Variants in HDX observed in about 807,000 individuals in gnomAD.
HDX encodes the protein chromosome X open reading frame 43.
Under a neutral mutation model 45.2 loss-of-function variants are expected in HDX, and 19 were observed. The observed-to-expected ratio is 0.42, with a 90% CI of 0.29 to 0.62. HDX has a LOEUF of 0.62. Among genes scored for constraint, HDX ranks in the 20% least tolerant of loss-of-function variants. The pLI is 0.20. For synonymous variants in HDX, 188 were observed against 172.8 expected (o/e 1.09, Z -0.69); for missense variants, 532 against 493.9 (o/e 1.08, Z -0.73).
In HDX at chrX:84,437,574, C is replaced by A. The variant is rs1351183412; in HGVS notation, c.1305+2958G>T. On this transcript the variant is annotated intron_variant, in intron 5 of 10. Coordinates refer to ENST00000373177, the MANE Select transcript of HDX (RefSeq NM_001177479.2). ...TTTCATCTGCTTGATTTACCTAGTT[C>A]CACTAGAGCTTCCAGTAATCCCTAC... Among the ~76,000 whole-genome samples, 3 of 111,004 alleles carry A rather than the reference C, an allele frequency of 2.7e-5. No individual in the cohort carries two copies. In the Admixed American group the frequency reaches 2.9e-4, roughly 11 times the overall value.
At chrX:84,473,683 A>G (rs752218841) in intron 3 of HDX, among the ~76,000 whole-genome samples, 38 of 110,999 alleles carry the variant, frequency 3.4e-4, no homozygotes, top group African/African-American at 1.2e-3. Flanking sequence ...GCAATAACAC[A>G]TCGGAAATAT....
At position 84,468,569 on chromosome X, in the gene HDX, G is replaced by A; in HGVS notation, c.1154C>T (p.Thr385Ile). ...PRTSLHTASS[T>I]MYSNTNPLRS... ...TAATGGATTGGTATTACTGTACATT[G>A]TACTAGATGCTGTATGTAATGAGGT... Residue 385 changes from threonine (T) to isoleucine (I), a missense_variant, in exon 4 of 11, where the codon ACA (threonine) becomes ATA (isoleucine). By Grantham distance (89) the Thr-to-Ile change is moderately conservative. Transcript: ENST00000373177. The A allele has an allele frequency of 8.4e-7, 1 of 1,193,403 alleles. No homozygotes were observed. Among genetic ancestry groups the A allele is most frequent in the African/African-American group, 1.7e-5 (1 of 57,484 alleles).
At chrX:84,484,801 A>C (rs2148181201) in intron 2 of HDX, among the ~76,000 whole-genome samples, 1 of 111,313 alleles carries the variant, frequency 9.0e-6, no homozygotes, top group African/African-American at 3.3e-5. Flanking sequence ...TCTTATATTT[A>C]CTAGTCTCTT....
At chrX:84,477,573 T>A (rs2040581896) in intron 2 of HDX, among the ~76,000 whole-genome samples, 1 of 111,322 alleles carries the variant, frequency 9.0e-6, no homozygotes, top group African/African-American at 3.3e-5. Flanking sequence ...GCTCAAAAGA[T>A]CTACTATATT....
chrX:84,440,459 A>T (rs2039735868), intron 5 of HDX, 73 bp downstream of exon 5: 2 of 732,012 alleles, frequency 2.7e-6, no homozygotes, highest in Non-Finnish European at 4.3e-6. Flanking sequence ...AAATATGGCA[A>T]TTTTCTCAAT....
At chrX:84,433,811 T>C (rs59212860) in intron 5 of HDX, among the ~76,000 whole-genome samples, 110 of 111,871 alleles carry the variant, frequency 9.8e-4, no homozygotes, top group African/African-American at 3.1e-3. Flanking sequence ...ATTCTTCCAG[T>C]CCATGAGCTT....
At chrX:84,404,299 T>C (rs1490523457) in intron 5 of HDX, among the ~76,000 whole-genome samples, 4 of 111,517 alleles carry the variant, frequency 3.6e-5, no homozygotes, top group Non-Finnish European at 7.5e-5. Context: ...ACCTTCTGTG[T>C]CTTCTATTGC....
intron 5 of HDX, among the ~76,000 whole-genome samples, chrX:84,375,894 T>G (rs1479697795): frequency 1.8e-5 from 2 of 111,696 alleles, no homozygotes; most frequent in African/African-American, 6.5e-5. Flanking sequence ...TAAAGTATAA[T>G]AATAATAAAA....
In HDX at chrX:84,471,837, G is replaced by A. The variant is rs146304950; in HGVS notation, c.148-2262C>T. ...TGAATATAAATGTCACAGGAGACAG[G>A]GAGAAAAACTAAAAGGTTTTAAATT... On this transcript the variant is annotated intron_variant, in intron 3 of 10. Transcript: ENST00000373177. 9.2e-4 allele frequency among the ~76,000 whole-genome samples: 101 copies of A among 109,845 alleles called. 3 individuals are homozygous for A. The East Asian group carries it at 0.021, about 23-fold the overall frequency.
intron 5 of HDX, among the ~76,000 whole-genome samples, chrX:84,427,333 T>G (rs1316263745): frequency 9.0e-6 from 1 of 111,104 alleles, no homozygotes; most frequent in Non-Finnish European, 1.9e-5. Flanking sequence ...TACAATAAAT[T>G]GCATATATTT....
intron 4 of HDX, among the ~76,000 whole-genome samples, chrX:84,461,759 A>T (rs773752818): frequency 8.1e-4 from 90 of 111,622 alleles, no homozygotes; most frequent in Non-Finnish European, 1.5e-3. Context: ...ATACCTACAA[A>T]CTACCTGTCT....
intron 4 of HDX, among the ~76,000 whole-genome samples, chrX:84,450,270 C>A (rs1300494604): frequency 1.8e-5 from 2 of 110,735 alleles, no homozygotes; most frequent in African/African-American, 6.6e-5. Context: ...ACAAAAAAAA[C>A]CATCACTCCA....
At chrX:84,421,146 C>G (rs2039244044) in intron 5 of HDX, among the ~76,000 whole-genome samples, 1 of 111,909 alleles carries the variant, frequency 8.9e-6, no homozygotes, top group African/African-American at 3.2e-5. Flanking sequence ...AACACTGTAA[C>G]TGTCATGTGT....
intron 1 of HDX, among the ~76,000 whole-genome samples, chrX:84,494,701 A>G (rs1446645819): frequency 1.8e-5 from 2 of 112,076 alleles, no homozygotes; most frequent in African/African-American, 3.2e-5. Context: ...ATTTATCCCC[A>G]TTGAGAAAAG....
intron 1 of HDX, chrX:84,501,518 G>A (rs1369459889): frequency 8.9e-6 from 1 of 112,246 alleles, no homozygotes; most frequent in Non-Finnish European, 1.9e-5. Context: ...GCTCCTTTAA[G>A]ATTAAAAGTT....
intron 6 of HDX, among the ~76,000 whole-genome samples, chrX:84,356,819 T>TA (rs1429417171): frequency 1.8e-5 from 2 of 110,378 alleles, no homozygotes; most frequent in Admixed American, 1.9e-4. Flanking sequence ...AGACGGGGTT[T>TA]CACCATGTTA....
chrX:84,350,930 T>A (rs2037333713), intron 6 of HDX, among the ~76,000 whole-genome samples: 1 of 111,821 alleles, frequency 8.9e-6, no homozygotes, highest in Non-Finnish European at 1.9e-5. Flanking sequence ...GGGGTATTTT[T>A]AAATATTTAG....
At chrX:84,446,893 AAG>A (rs2039885505) in intron 4 of HDX, among the ~76,000 whole-genome samples, 3 of 111,881 alleles carry the variant, frequency 2.7e-5, no homozygotes, top group Admixed American at 1.9e-4. Flanking sequence ...TTCTGTGAGT[AAG>A]AGAGTGTGAG....
intron 5 of HDX, among the ~76,000 whole-genome samples, chrX:84,372,957 T>C (rs1327795442): frequency 8.9e-6 from 1 of 112,085 alleles, no homozygotes; most frequent in Non-Finnish European, 1.9e-5. Flanking sequence ...AAAATACTCA[T>C]AGTTTTAAAC....
Sources: gnomAD v4.1 joint callset for allele counts (sites outside exome capture counted in the v4.1 genomes callset) on GRCh38, gnomAD v4.1.1 for gene constraint, MANE v1.5 for transcripts, NCBI Gene and HGNC (gene_info 2026-07-23, HGNC 2026-07-21) for gene names.